METTL15: variants seen among roughly 807,000 people sequenced by gnomAD.
METTL15 encodes 12S rRNA N(4)-cytidine methyltransferase METTL15.
METTL15 carries 34 observed loss-of-function variants against 38.3 expected under a neutral mutation model. The observed-to-expected ratio is 0.89, with a 90% CI of 0.68 to 1.18. The LOEUF (loss-of-function observed/expected upper bound fraction) is 1.18, where lower values mean the gene tolerates loss of function less well. METTL15 is among the 50% of genes most tolerant of loss of function. The probability of loss-of-function intolerance (pLI) is 0.00; values close to 1 mark genes in which losing one functional copy is unlikely to be tolerated. For missense variants in METTL15, 438 were observed against 498.4 expected, an observed-to-expected ratio of 0.88 and a Z score of 1.15; for synonymous variants, 162 against 170.9, an observed-to-expected ratio of 0.95 and a Z score of 0.41.
At chr11:28,149,529 G>T (rs1300792606) in intron 3 of METTL15, among the ~76,000 whole-genome samples, 4 of 151,844 alleles carry the variant, frequency 2.6e-5, no homozygotes, top group Non-Finnish European at 4.4e-5. Context: ...TACTTTGCAG[G>T]TTACCTTTCC....
intron 4 of METTL15, among the ~76,000 whole-genome samples, chr11:28,261,952 G>A (rs1208982410): frequency 6.6e-6 from 1 of 152,090 alleles, no homozygotes; most frequent in Non-Finnish European, 1.5e-5. Flanking sequence ...AAGACATAAA[G>A]AGGTTCAGTA....
chr11:28,463,989 T>C (rs1851236634), intron 6 of METTL15, among the ~76,000 whole-genome samples: 1 of 152,100 alleles, frequency 6.6e-6, no homozygotes, highest in African/African-American at 2.4e-5. Context: ...CATAGGGAGC[T>C]TTCCCGCAGT....
intron 6 of METTL15, among the ~76,000 whole-genome samples, chr11:28,315,247 A>G (rs968081434): frequency 6.6e-6 from 1 of 152,190 alleles, no homozygotes; most frequent in Admixed American, 6.5e-5. Context: ...TGAGATATGG[A>G]TAATAAAGTC....
At chr11:28,213,739 T>C (rs1182421261) in intron 4 of METTL15, among the ~76,000 whole-genome samples, 1 of 150,106 alleles carries the variant, frequency 6.7e-6, no homozygotes, top group East Asian at 2.0e-4. Flanking sequence ...CACTGCAAGG[T>C]CCGCCTCCCG....
chr11:28,381,372 T>C (rs888363097), intron 5 of METTL15, among the ~76,000 whole-genome samples: 5 of 152,142 alleles, frequency 3.3e-5, no homozygotes. Context: ...CTCTTTGGTG[T>C]TCTCTGACTT....
At chr11:28,450,265 T>G (rs1260540814) in intron 6 of METTL15, among the ~76,000 whole-genome samples, 6 of 152,202 alleles carry the variant, frequency 3.9e-5, no homozygotes, top group Non-Finnish European at 8.8e-5. Flanking sequence ...GAAACTCCCT[T>G]TTAACATTTT....
intron 6 of METTL15, among the ~76,000 whole-genome samples, chr11:28,517,609 T>A (rs527460684): frequency 6.6e-6 from 1 of 152,346 alleles, no homozygotes; most frequent in East Asian, 1.9e-4. Context: ...GAGAAGGGAC[T>A]CCTTTCTCAT....
chr11:28,289,377 C>T (rs1488124669), intron 4 of METTL15, among the ~76,000 whole-genome samples: 1 of 152,118 alleles, frequency 6.6e-6, no homozygotes, highest in African/African-American at 2.4e-5. Flanking sequence ...AAGTAAATAT[C>T]ATTAACGTAA....
downstream of METTL15, among the ~76,000 whole-genome samples, chr11:28,335,470 T>C (rs887302071): frequency 6.6e-6 from 1 of 152,206 alleles, no homozygotes; most frequent in African/African-American, 2.4e-5. Flanking sequence ...AAGATAAATG[T>C]TTATGAACTG....
At chr11:28,461,164 T>C (rs1003903306) in intron 6 of METTL15, among the ~76,000 whole-genome samples, 2 of 152,080 alleles carry the variant, frequency 1.3e-5, no homozygotes, top group Non-Finnish European at 2.9e-5. Flanking sequence ...AGGGTTGGCA[T>C]CATTAGATAA....
At chr11:28,513,391 T>A (rs1420147796) in intron 6 of METTL15, among the ~76,000 whole-genome samples, 1 of 152,184 alleles carries the variant, frequency 6.6e-6, no homozygotes, top group African/African-American at 2.4e-5. Flanking sequence ...TCTCTGATTA[T>A]CAGTTCCCTC....
chr11:28,236,993 C>G (rs1854017530), intron 4 of METTL15, among the ~76,000 whole-genome samples: 1 of 152,058 alleles, frequency 6.6e-6, no homozygotes. Context: ...ATGGGTTTCC[C>G]TTTGTGGGTA....
Position 28,194,122 on chromosome 11 carries a change from ATCTTTCTTTCTT to A in METTL15, c.271-16898_271-16887del, listed in dbSNP as rs57046097. Among the ~76,000 whole-genome samples, 161 of 99,160 alleles carry A rather than the reference ATCTTTCTTTCTT, an allele frequency of 1.6e-3. 4 individuals are homozygous for A. The South Asian group carries it at 0.044, about 27-fold the overall frequency. 65.1% of individuals were successfully genotyped at this position (99,160 alleles called of 152,430 possible). A position where few individuals can be genotyped will look rare whatever the true frequency, so the allele number is the denominator to read the frequency against. On this transcript the variant is annotated intron_variant, in intron 3 of 6. Transcript: ENST00000407364. ...AGGACTTTACTTGCTTTGATGGTTG[ATCTTTCTTTCTT>A]TCTTTCTTTCTTTCTTTCTTTCTTT...
At chr11:28,264,514 T>C (rs1434511684) in intron 4 of METTL15, among the ~76,000 whole-genome samples, 1 of 152,118 alleles carries the variant, frequency 6.6e-6, no homozygotes, top group South Asian at 2.1e-4. Flanking sequence ...CCAGATTCTA[T>C]AGTTACATGT....
chr11:28,303,700 G>T (rs1454582999), intron 6 of METTL15, among the ~76,000 whole-genome samples: 1 of 152,032 alleles, frequency 6.6e-6, no homozygotes, highest in Admixed American at 6.6e-5. Flanking sequence ...ATCAATAAAA[G>T]GATACGTACA....
At chr11:28,268,292 G>T (rs932241781) in intron 4 of METTL15, among the ~76,000 whole-genome samples, 3 of 147,532 alleles carry the variant, frequency 2.0e-5, no homozygotes, top group African/African-American at 7.5e-5. Context: ...TTTTTACACA[G>T]AAATTGCTAT....
intron 6 of METTL15, among the ~76,000 whole-genome samples, chr11:28,439,158 G>T (rs2133438945): frequency 6.6e-6 from 1 of 152,194 alleles, no homozygotes; most frequent in East Asian, 1.9e-4. Flanking sequence ...TTTCTCTTTT[G>T]CAATAACTTG....
chr11:28,408,167 G>T (rs976771757), intron 5 of METTL15, among the ~76,000 whole-genome samples: 1 of 152,132 alleles, frequency 6.6e-6, no homozygotes, highest in African/African-American at 2.4e-5. Context: ...TTCAGGGGGT[G>T]GGGTGGGGGA....
intron 4 of METTL15, among the ~76,000 whole-genome samples, chr11:28,213,606 A>G (rs1160484193): frequency 6.7e-6 from 1 of 149,630 alleles, no homozygotes; most frequent in Non-Finnish European, 1.5e-5. Flanking sequence ...ATTTGCAGTT[A>G]TCTAATTCTT....
Sources: gnomAD v4.1 joint callset for allele counts (sites outside exome capture counted in the v4.1 genomes callset) on GRCh38, gnomAD v4.1.1 for gene constraint, MANE v1.5 for transcripts, NCBI Gene and HGNC (gene_info 2026-07-23, HGNC 2026-07-21) for gene names.